Variants in SLC30A9 observed in about 807,000 individuals in gnomAD.
The protein encoded by SLC30A9 is proton-coupled zinc antiporter SLC30A9, mitochondrial.
A neutral mutation model predicts 87.5 loss-of-function variants in SLC30A9; 58 were observed. The ratio of observed to expected loss-of-function variants is 0.66; its 90% confidence interval spans 0.54 to 0.82. SLC30A9 has a LOEUF of 0.82. Among genes scored for constraint, SLC30A9 ranks in the 40% least tolerant of loss-of-function variants. The pLI is 0.00. For missense variants in SLC30A9, 557 were observed against 679.1 expected (o/e 0.82, Z 2.00); for synonymous variants, 234 against 233.0 (o/e 1.00, Z -0.04).
At chr4:42,027,743 T>A (rs1716256721) in intron 6 of SLC30A9, among the ~76,000 whole-genome samples, 1 of 152,156 alleles carries the variant, frequency 6.6e-6, no homozygotes, top group Non-Finnish European at 1.5e-5. Context: ...ACAGCAGAAT[T>A]TGTTCACAAA....
At chr4:42,029,668 A>G in intron 6 of SLC30A9, 1 of 753,594 alleles carries the variant, frequency 1.3e-6, no homozygotes. Context: ...TGCAGATTCA[A>G]GCTTGAGTGG....
chr4:42,022,879 A>T lies in SLC30A9; in HGVS notation c.476A>T (p.His159Leu). Residue 159 changes from histidine to leucine, a missense_variant, in exon 5 of 18, where the codon CAT becomes CTT. His to Leu is a moderately conservative substitution (Grantham distance 99). This residue lies in a region of SLC30A9 where 467 missense variants were observed against 529.8 expected (regional missense o/e 0.88). Coordinates refer to ENST00000264451, the MANE Select transcript of SLC30A9 (RefSeq NM_006345.4). ...QLRKIRRRSP[H>L]EDTESFTVYL... ...CGAAAAATCAGACGACGAAGTCCCC[A>T]TGAAGATACTGAGTCTTTTACTGTA... 1 of 1,603,712 alleles carries T rather than the reference A, an allele frequency of 6.2e-7. No individual in the cohort carries two copies. The highest frequency in any genetic ancestry group is 1.3e-5 in the African/African-American group (1 of 74,786).
At chr4:42,052,438 G>T (rs997894557) in intron 9 of SLC30A9, among the ~76,000 whole-genome samples, 1 of 152,142 alleles carries the variant, frequency 6.6e-6, no homozygotes, top group African/African-American at 2.4e-5. Context: ...GACATGCAAA[G>T]AACCTGGAAT....
chr4:42,063,144 A>G, intron 11 of SLC30A9, 23 bp downstream of exon 11: 2 of 1,609,338 alleles, frequency 1.2e-6, no homozygotes, highest in Non-Finnish European at 1.7e-6. Flanking sequence ...TTTTCTCCTC[A>G]GTTTTGATGT....
rs1352404936 is a variant in SLC30A9 at position 41,990,679 on chromosome 4, G to A, written c.28G>A (p.Ala10Thr). 3.4e-5 allele frequency: 54 copies of A among 1,609,048 alleles called. No homozygotes were observed. The highest frequency in any genetic ancestry group is 4.6e-5 in the Non-Finnish European group (54 of 1,177,126). Reference protein sequence around the residue: MLPGLAAAAAHRCSWSSLCR... With the variant: MLPGLAAAATHRCSWSSLCR... ...GTTACCCGGCTTGGCCGCCGCCGCGGCCCACAGATGTAGCTGGTCCTCCCT... is the reference window on the plus strand; with the variant it reads ...GTTACCCGGCTTGGCCGCCGCCGCGACCCACAGATGTAGCTGGTCCTCCCT... Residue 10 changes from alanine to threonine, a missense_variant, in exon 1 of 18, where the codon GCC (alanine) becomes ACC (threonine). By Grantham distance (58) the Ala-to-Thr change is moderately conservative (BLOSUM62 0). Around this residue, in one of 2 missense-constraint regions of SLC30A9, gnomAD observed 467 missense variants for 529.8 expected, o/e 0.88. Coordinates refer to ENST00000264451, the MANE Select transcript of SLC30A9 (RefSeq NM_006345.4).
chr4:41,992,832 A>G (rs1215797876), intron 1 of SLC30A9, among the ~76,000 whole-genome samples: 1 of 152,220 alleles, frequency 6.6e-6, no homozygotes, highest in East Asian at 1.9e-4. Context: ...GTACTATTTA[A>G]ATTGGATGCA....
chr4:42,051,798 A>G (rs1356448933), intron 9 of SLC30A9, among the ~76,000 whole-genome samples: 3 of 152,144 alleles, frequency 2.0e-5, no homozygotes. Context: ...GGAAGAAACA[A>G]TGCTGAGTAC....
intron 15 of SLC30A9, among the ~76,000 whole-genome samples, chr4:42,071,094 A>G (rs1718292444): frequency 6.6e-6 from 1 of 152,060 alleles, no homozygotes; most frequent in African/African-American, 2.4e-5. Context: ...ATTAAATATA[A>G]TTTATATTTA....
At chr4:42,006,122 T>G (rs1175745488) in intron 2 of SLC30A9, among the ~76,000 whole-genome samples, 21 of 152,194 alleles carry the variant, frequency 1.4e-4, no homozygotes, top group Admixed American at 1.4e-3. Context: ...ATAAGTAATC[T>G]AGAGATGATT....
intron 8 of SLC30A9, 58 bp from the exon 9 acceptor site, chr4:42,049,319 C>G: frequency 9.5e-7 from 1 of 1,047,980 alleles, no homozygotes; most frequent in Non-Finnish European, 1.5e-6. Flanking sequence ...ATTGAGTATG[C>G]TTTTGGCTTA....
intron 2 of SLC30A9, among the ~76,000 whole-genome samples, chr4:42,011,395 T>C (rs1312072193): frequency 6.6e-6 from 1 of 152,114 alleles, no homozygotes; most frequent in Non-Finnish European, 1.5e-5. Context: ...CAAGGTGAGA[T>C]TTGGATGGGG....
At chr4:42,030,557 CA>C (rs1437763663) in intron 6 of SLC30A9, among the ~76,000 whole-genome samples, 2 of 148,302 alleles carry the variant, frequency 1.3e-5, no homozygotes, top group Non-Finnish European at 3.0e-5. Context: ...TGTAAATATT[CA>C]ATGGGAATGA....
intron 8 of SLC30A9, among the ~76,000 whole-genome samples, chr4:42,042,941 G>A (rs1716982868): frequency 6.6e-6 from 1 of 152,240 alleles, no homozygotes; most frequent in Non-Finnish European, 1.5e-5. Flanking sequence ...AACAGGGTCT[G>A]GAGTGGACCT....
chr4:42,081,853 TGTAA>T (rs1382320570), intron 17 of SLC30A9, among the ~76,000 whole-genome samples: 3 of 152,236 alleles, frequency 2.0e-5, no homozygotes, highest in Non-Finnish European at 2.9e-5. Flanking sequence ...TTTTGAATTA[TGTAA>T]GTCTTTCAAA....
intron 2 of SLC30A9, among the ~76,000 whole-genome samples, chr4:42,012,818 A>G (rs1345311322): frequency 6.6e-6 from 1 of 152,246 alleles, no homozygotes; most frequent in East Asian, 1.9e-4. Context: ...TACTTCTGCA[A>G]GATGCAGAAG....
At position 42,042,148 on chromosome 4, in the gene SLC30A9, C is replaced by T. The variant is rs373589821; in HGVS notation, c.737+3095C>T. 2.0e-5 allele frequency among the ~76,000 whole-genome samples: 3 copies of T among 152,294 alleles called. No individual in the cohort carries two copies. The East Asian group carries it at 5.8e-4, about 29-fold the overall frequency. ...ACTGGGCGGCCATTTGGGCAGACAC[C>T]AAGCTAGCTAGACTAGTTTTTTTTC... is the stretch of plus-strand genomic sequence containing the variant. On this transcript the variant is annotated intron_variant, in intron 8 of 17. Transcript: ENST00000264451.
At chr4:42,063,229 T>A in intron 11 of SLC30A9, 108 bp downstream of exon 11, 1 of 946,060 alleles carries the variant, frequency 1.1e-6, no homozygotes, top group Non-Finnish European at 1.6e-6. Flanking sequence ...ATACACCTTC[T>A]TGACTGTGTA....
chr4:42,001,479 T>C lies in SLC30A9; in HGVS notation c.110-137T>C, dbSNP rs867158109. On this transcript the variant is annotated intron_variant, in intron 1 of 17. Coordinates refer to ENST00000264451, the MANE Select transcript of SLC30A9 (RefSeq NM_006345.4). ...CAAGTTAGAGAAAATTAGAATGTTG[T>C]CACTAATTTTTCTTTACAAAATGGT... 2.2e-5 allele frequency: 11 copies of C among 493,636 alleles called. No individual in the cohort carries two copies. In the Middle Eastern group the frequency reaches 2.5e-3, roughly 111 times the overall value. The allele number at this position is 493,636 out of a possible 1,614,324, so 30.6% of individuals were successfully genotyped here. A position where few individuals can be genotyped will look rare whatever the true frequency, so the allele number is the denominator to read the frequency against.
intron 15 of SLC30A9, among the ~76,000 whole-genome samples, chr4:42,071,105 C>A (rs1056719074): frequency 1.3e-5 from 2 of 151,928 alleles, no homozygotes; most frequent in Non-Finnish European, 2.9e-5. Flanking sequence ...TTTATATTTA[C>A]TTTGAAAATA....
Sources: gnomAD v4.1 joint callset for allele counts (sites outside exome capture counted in the v4.1 genomes callset) on GRCh38, gnomAD v4.1.1 for gene constraint, gnomAD v4.1.1 regional missense constraint, MANE v1.5 for transcripts, NCBI Gene and HGNC (gene_info 2026-07-23, HGNC 2026-07-21) for gene names.